The following MALRD1 variants were observed in gnomAD, a reference collection of about 807,000 sequenced individuals.
The protein encoded by MALRD1 is MAM and LDL receptor class A domain containing 1.
Under a neutral mutation model 242.1 loss-of-function variants are expected in MALRD1, and 247 were observed. The ratio of observed to expected loss-of-function variants is 1.02; its 90% CI spans 0.92 to 1.13. MALRD1 has a LOEUF of 1.13. Ranked by LOEUF, MALRD1 falls within the 50% of genes most tolerant of loss-of-function variation. The pLI, the probability that MALRD1 is intolerant of heterozygous loss-of-function variation, is 0.00. For synonymous variants in MALRD1, 995 were observed against 866.6 expected (o/e 1.15, Z -2.60); for missense variants, 2,989 against 2,533.1 (o/e 1.18, Z -3.86).
intron 27 of MALRD1, among the ~76,000 whole-genome samples, chr10:19,388,455 C>A (rs1211524678): frequency 6.6e-6 from 1 of 152,172 alleles, no homozygotes; most frequent in Non-Finnish European, 1.5e-5. Context: ...CACTTGTAAT[C>A]AATAACCCTG....
intron 36 of MALRD1, among the ~76,000 whole-genome samples, chr10:19,683,142 A>AG (rs1230432991): frequency 1.3e-5 from 2 of 152,034 alleles, no homozygotes; most frequent in African/African-American, 4.8e-5. Flanking sequence ...CGGAAAAAAA[A>AG]AAAGAAAGAA....
At chr10:19,706,922 G>C (rs1023045842) in intron 38 of MALRD1, among the ~76,000 whole-genome samples, 5 of 152,124 alleles carry the variant, frequency 3.3e-5, no homozygotes, top group Non-Finnish European at 7.4e-5. Flanking sequence ...GCTACTTGGA[G>C]TGACAGGTCT....
At chr10:19,720,154 T>C (rs1357136631) in intron 38 of MALRD1, among the ~76,000 whole-genome samples, 2 of 152,224 alleles carry the variant, frequency 1.3e-5, no homozygotes. Flanking sequence ...GACTTTTTTA[T>C]GATAAACATG....
At chr10:19,673,450 G>A (rs1242537455) in intron 36 of MALRD1, among the ~76,000 whole-genome samples, 1 of 152,112 alleles carries the variant, frequency 6.6e-6, no homozygotes, top group Admixed American at 6.6e-5. Flanking sequence ...TATAGTGAGG[G>A]AAGAGGCAGT....
In MALRD1 at chr10:19,295,248, G is replaced by GATAAGTCTC. The variant is rs542192595; in HGVS notation, c.3419+12069_3419+12077dup. On this transcript the variant is annotated intron_variant, in intron 21 of 39. Coordinates refer to ENST00000454679, the MANE Select transcript of MALRD1 (RefSeq NM_001142308.3). ...ATTATTATTCGTAATTTAGACATTTGATAAGTCTCAATTACTCCTCAAAAA... is the reference window on the plus strand; with the variant it reads ...ATTATTATTCGTAATTTAGACATTTGATAAGTCTCATAAGTCTCAATTACTCCTCAAAAA... 5.6e-3 allele frequency among the ~76,000 whole-genome samples: 848 copies of GATAAGTCTC among 152,014 alleles called. 8 individuals carry two copies. Among genetic ancestry groups the GATAAGTCTC allele is most frequent in the South Asian group, 0.016 (79 of 4,820 alleles).
intron 36 of MALRD1, among the ~76,000 whole-genome samples, chr10:19,622,494 G>T (rs907751490): frequency 1.3e-5 from 2 of 151,694 alleles, no homozygotes; most frequent in African/African-American, 4.8e-5. Context: ...CTGGATAGTT[G>T]ACTCAACATC....
At position 19,717,925 on chromosome 10, in the gene MALRD1, G is replaced by T. The variant is rs141031322; in HGVS notation, c.6315-12781G>T. Among the ~76,000 whole-genome samples the T allele has an allele frequency of 7.3e-3, 1,117 of 152,100 alleles. 13 individuals are homozygous for T. Among genetic ancestry groups the T allele is most frequent in the African/African-American group, 0.023 (973 of 41,486 alleles). ...TCAGCTACTTGGGAGGCTGAGACAT[G>T]AGAATCATTTGGACCCAGGAGGTGG... On this transcript the variant is annotated intron_variant, in intron 38 of 39. Coordinates refer to ENST00000454679, the MANE Select transcript of MALRD1 (RefSeq NM_001142308.3).
chr10:19,307,308 T>C (rs565459413), intron 21 of MALRD1, among the ~76,000 whole-genome samples: 1 of 151,652 alleles, frequency 6.6e-6, no homozygotes, highest in Admixed American at 6.6e-5. Flanking sequence ...GAATTAGTTC[T>C]GCCTGACACT....
At chr10:19,164,404 T>C (rs1019400798) in intron 12 of MALRD1, among the ~76,000 whole-genome samples, 2 of 152,090 alleles carry the variant, frequency 1.3e-5, no homozygotes, top group African/African-American at 4.8e-5. Context: ...AAAAGCACAA[T>C]GATGAATGGG....
intron 32 of MALRD1, among the ~76,000 whole-genome samples, chr10:19,543,619 G>T (rs1223283402): frequency 6.6e-6 from 1 of 151,756 alleles, no homozygotes; most frequent in Non-Finnish European, 1.5e-5. Flanking sequence ...AACTGCTTGT[G>T]ATTGTCCCAA....
At position 19,498,579 on chromosome 10, in the gene MALRD1, C is replaced by T. The variant is rs764776341; in HGVS notation, c.5253C>T (p.Asp1751=). The change falls in exon 31 of 40, where the codon GAC becomes GAT. Residue 1751 remains aspartate, a synonymous_variant. Coordinates refer to ENST00000454679, the MANE Select transcript of MALRD1 (RefSeq NM_001142308.3). ...ACSLTQDSED[D]LDWAIGSRIP... is the part of the protein sequence containing the mutation. ...GTCTTACTCAAGACTCTGAGGATGA[C>T]TTGGACTGGGCCATTGGCAGCAGAA... The T allele has an allele frequency of 6.5e-7, 1 of 1,550,278 alleles. No homozygotes were observed. The highest frequency in any genetic ancestry group is 1.2e-5 in the South Asian group (1 of 84,022).
intron 21 of MALRD1, among the ~76,000 whole-genome samples, chr10:19,305,171 AT>A (rs574887014): frequency 8.4e-4 from 128 of 151,804 alleles, no homozygotes; most frequent in African/African-American, 3.1e-3. Flanking sequence ...CAGAAAGCAA[AT>A]CGTATCTATT....
chr10:19,204,498 A>G, intron 16 of MALRD1, 85 bp downstream of exon 16: 1 of 844,056 alleles, frequency 1.2e-6, no homozygotes, highest in Non-Finnish European at 1.8e-6. Flanking sequence ...GCACTTATTC[A>G]TTTCTGTGGT....
rs987181305 is a variant in MALRD1, at chr10:19,450,181, G to C, written c.4846-126G>C. On this transcript the variant is annotated intron_variant, in intron 28 of 39. Coordinates refer to ENST00000454679, the MANE Select transcript of MALRD1 (RefSeq NM_001142308.3). ...TAAGATCACCTTTCACAGATTCAGT[G>C]CTTCTTTGTTTTTTCAGTTTTTATT... 18 of 802,624 alleles carry C rather than the reference G, an allele frequency of 2.2e-5. 1 individual carries two copies. The South Asian group carries it at 3.5e-4, about 15-fold the overall frequency. 49.7% of individuals were successfully genotyped at this position (802,624 alleles called of 1,614,324 possible). A position where few individuals can be genotyped will look rare whatever the true frequency, so the allele number is the denominator to read the frequency against.
chr10:19,256,151 A>G (rs774777803), intron 18 of MALRD1, among the ~76,000 whole-genome samples: 3 of 152,042 alleles, frequency 2.0e-5, no homozygotes, highest in African/African-American at 7.2e-5. Flanking sequence ...AGGCCAAGTC[A>G]ATAGTATTTA....
At chr10:19,520,121 G>A (rs777541134) in intron 31 of MALRD1, among the ~76,000 whole-genome samples, 3 of 152,088 alleles carry the variant, frequency 2.0e-5, no homozygotes, top group Non-Finnish European at 2.9e-5. Flanking sequence ...GGAAATTGAT[G>A]CACAGAGAGG....
chr10:19,416,288 C>T (rs1589044353), intron 28 of MALRD1, among the ~76,000 whole-genome samples: 1 of 152,128 alleles, frequency 6.6e-6, no homozygotes, highest in East Asian at 1.9e-4. Context: ...ATCAGAGAAG[C>T]CACAAATCAG....
Position 19,308,315 on chromosome 10 carries a change from A to G in MALRD1, c.3420-15634A>G, listed in dbSNP as rs551532867. On this transcript the variant is annotated intron_variant, in intron 21 of 39. Transcript: ENST00000454679. ...GTGTTCACCATCTCAAGCATTTATC[A>G]CGGCTTTGCATTGGGAACATTCAAT... Among the ~76,000 whole-genome samples, 778 of 151,566 alleles carry G rather than the reference A, an allele frequency of 5.1e-3. 1 individual carries two copies. The highest frequency in any genetic ancestry group is 8.7e-3 in the Non-Finnish European group (589 of 67,674).
At chr10:19,098,177 G>A (rs1299503085) in intron 4 of MALRD1, among the ~76,000 whole-genome samples, 1 of 152,094 alleles carries the variant, frequency 6.6e-6, no homozygotes, top group Admixed American at 6.5e-5. Flanking sequence ...ACGGTTTTAT[G>A]GGTAAGAAGG....
Sources: gnomAD v4.1 joint callset for allele counts (sites outside exome capture counted in the v4.1 genomes callset) on GRCh38, gnomAD v4.1.1 for gene constraint, MANE v1.5 for transcripts, NCBI Gene and HGNC (gene_info 2026-07-23, HGNC 2026-07-21) for gene names.